Variants in RAPH1 observed in about 807,000 individuals in gnomAD.
The protein encoded by RAPH1 is ras-associated and pleckstrin homology domains-containing protein 1.
In RAPH1, 18 loss-of-function variants were observed where a neutral mutation model predicts 88.1. The observed-to-expected ratio is 0.20, with a 90% CI of 0.14 to 0.30. The LOEUF is 0.30. Ranked by LOEUF, RAPH1 falls within the 10% of genes least tolerant of loss-of-function variation. The pLI, the probability that RAPH1 is intolerant of heterozygous loss-of-function variation, is 1.00. For missense variants in RAPH1, 1,448 were observed against 1,543.2 expected, an observed-to-expected ratio of 0.94 and a Z score of 1.03; for synonymous variants, 587 against 559.0, an observed-to-expected ratio of 1.05 and a Z score of -0.71.
chr2:203,466,223 CTT>C (rs1031281551), intron 4 of RAPH1, among the ~76,000 whole-genome samples: 11 of 152,182 alleles, frequency 7.2e-5, no homozygotes, highest in African/African-American at 2.7e-4. Context: ...CATGATACCT[CTT>C]TTAGAGTCTG....
At chr2:203,454,681 G>A in intron 9 of RAPH1, 141 bp from the exon 10 acceptor site, 1 of 604,094 alleles carries the variant, frequency 1.7e-6, no homozygotes, top group African/African-American at 1.8e-5. Flanking sequence ...ACGAGACAAT[G>A]AGATGCTCCA....
chr2:203,454,371 C>T, intron 10 of RAPH1, 59 bp downstream of exon 10: 1 of 1,128,756 alleles, frequency 8.9e-7, no homozygotes, highest in East Asian at 2.5e-5. Flanking sequence ...CTAAAATATC[C>T]AATAACCTGC....
Position 203,439,909 on chromosome 2 carries a change from G to A in RAPH1, c.3281C>T (p.Ser1094Leu), listed in dbSNP as rs200252131. Residue 1094 changes from serine (S) to leucine (L), a missense_variant, in exon 14 of 14, where the codon TCG becomes TTG. Physicochemically the swap from Ser to Leu is moderately radical, Grantham distance 145. Around this residue, in one of 2 missense-constraint regions of RAPH1, gnomAD observed 935 missense variants for 890.1 expected, o/e 1.05. Transcript: ENST00000319170. Reference sequence around the variant, plus strand: ...TGCCACTTTTGGAGAGGTGTTTCCCGAGAAAACTGCTGGAATCTCAATGGG... The same window carrying A: ...TGCCACTTTTGGAGAGGTGTTTCCCAAGAAAACTGCTGGAATCTCAATGGG... ...LPPIEIPAVF[S>L]GNTSPKVAVV... is the part of the protein sequence containing the mutation. The A allele has an allele frequency of 7.2e-5, 116 of 1,613,976 alleles. No individual in the cohort carries two copies. The highest frequency in any genetic ancestry group is 6.7e-4 in the East Asian group (30 of 44,882).
chr2:203,509,290 G>A (rs1689229795), intron 1 of RAPH1, among the ~76,000 whole-genome samples: 2 of 151,642 alleles, frequency 1.3e-5, no homozygotes, highest in South Asian at 2.1e-4. Flanking sequence ...CAAACCCCTG[G>A]CCTCAAGGGA....
chr2:203,490,800 T>C (rs62182788), intron 3 of RAPH1, among the ~76,000 whole-genome samples: 71,455 of 151,880 alleles, frequency 0.47, 18,939 homozygotes, highest in Middle Eastern at 0.72. Flanking sequence ...CCCAGCACTT[T>C]GGGAGGCTGA....
At position 203,496,272 on chromosome 2, in the gene RAPH1, C is replaced by G. The variant is rs776401491; in HGVS notation, c.1-919G>C. ...ACCTGGGAGGCTGAGCCAGGAGAAT[C>G]ACTTGACCCTGGGAGACAGAGGTTG... is the stretch of plus-strand genomic sequence containing the variant. On this transcript the variant is annotated intron_variant, in intron 1 of 13. Coordinates refer to ENST00000319170, the MANE Select transcript of RAPH1 (RefSeq NM_213589.3). 6.6e-5 allele frequency among the ~76,000 whole-genome samples: 10 copies of G among 152,306 alleles called. No individual in the cohort carries two copies. The Middle Eastern group carries it at 0.01, about 155-fold the overall frequency.
intron 1 of RAPH1, among the ~76,000 whole-genome samples, chr2:203,514,373 GTTTTTA>G (rs1418868406): frequency 4.0e-5 from 6 of 151,736 alleles, no homozygotes; most frequent in Non-Finnish European, 8.8e-5. Flanking sequence ...TTTTGTTTTT[GTTTTTA>G]CTCTCTGTGT....
rs75624410 is a variant in RAPH1 at position 203,497,174 on chromosome 2, T to C, written c.1-1821A>G. Reference sequence around the variant, plus strand: ...GTACTTTGTTCTTCCACTCTTCTGCTATGCAAGAGCACATCTCGTGCCTCC... The same window carrying C: ...GTACTTTGTTCTTCCACTCTTCTGCCATGCAAGAGCACATCTCGTGCCTCC... On this transcript the variant is annotated intron_variant, in intron 1 of 13. Coordinates refer to ENST00000319170, the MANE Select transcript of RAPH1 (RefSeq NM_213589.3). 1.6e-4 allele frequency among the ~76,000 whole-genome samples: 24 copies of C among 152,360 alleles called. No individual in the cohort carries two copies. In the East Asian group the frequency reaches 4.4e-3, roughly 28 times the overall value.
At chr2:203,458,651 G>C (rs2098521796) in intron 7 of RAPH1, among the ~76,000 whole-genome samples, 1 of 152,128 alleles carries the variant, frequency 6.6e-6, no homozygotes, top group South Asian at 2.1e-4. Flanking sequence ...GCATATTCAA[G>C]TTTTGTTTTT....
At chr2:203,469,527 A>G (rs1255321925) in intron 4 of RAPH1, among the ~76,000 whole-genome samples, 1 of 152,200 alleles carries the variant, frequency 6.6e-6, no homozygotes, top group Non-Finnish European at 1.5e-5. Flanking sequence ...ATAACTGTAT[A>G]TTTTTCAGAA....
At chr2:203,483,455 A>T (rs1687818474) in intron 4 of RAPH1, among the ~76,000 whole-genome samples, 9 of 152,262 alleles carry the variant, frequency 5.9e-5, no homozygotes, top group Admixed American at 5.9e-4. Context: ...TTGATGAACT[A>T]GACGGATGGA....
At chr2:203,495,110 G>C (rs1391698235) in intron 2 of RAPH1, 124 bp downstream of exon 2, 2 of 1,020,146 alleles carry the variant, frequency 2.0e-6, no homozygotes, top group Admixed American at 2.1e-5. Flanking sequence ...TCAATACTTC[G>C]AACATTTCTT....
At chr2:203,478,240 T>C (rs1225511268) in intron 4 of RAPH1, among the ~76,000 whole-genome samples, 1 of 152,040 alleles carries the variant, frequency 6.6e-6, no homozygotes, top group Non-Finnish European at 1.5e-5. Context: ...TTCACAGTGT[T>C]AGCTAGGATG....
intron 4 of RAPH1, among the ~76,000 whole-genome samples, chr2:203,487,280 G>A (rs1365613055): frequency 1.3e-5 from 2 of 152,062 alleles, no homozygotes; most frequent in Non-Finnish European, 2.9e-5. Context: ...ATAAAATATT[G>A]CTCATATCCT....
intron 4 of RAPH1, among the ~76,000 whole-genome samples, chr2:203,488,061 T>C (rs1688054307): frequency 6.6e-6 from 1 of 152,212 alleles, no homozygotes; most frequent in African/African-American, 2.4e-5. Context: ...AAAGGTTGAC[T>C]TAACTTTGCC....
At chr2:203,483,772 AT>A (rs1687835029) in intron 4 of RAPH1, among the ~76,000 whole-genome samples, 2 of 152,034 alleles carry the variant, frequency 1.3e-5, no homozygotes, top group Non-Finnish European at 2.9e-5. Context: ...AGAAAAGGTG[AT>A]TTCCTCCCTA....
chr2:203,479,556 C>T (rs1247746330), intron 4 of RAPH1, among the ~76,000 whole-genome samples: 2 of 149,086 alleles, frequency 1.3e-5, no homozygotes, highest in South Asian at 2.1e-4. Context: ...TTCAGTGAGC[C>T]GAGATGGCGC....
intron 13 of RAPH1, chr2:203,441,690 TTGAA>T (rs1466891737): frequency 1.5e-6 from 2 of 1,309,224 alleles, no homozygotes; most frequent in Non-Finnish European, 1.9e-6. Context: ...CAAAAGCTGT[TTGAA>T]TGGTGACAGG....
At chr2:203,531,363 C>A (rs1442561856) in intron 1 of RAPH1, among the ~76,000 whole-genome samples, 2 of 152,016 alleles carry the variant, frequency 1.3e-5, no homozygotes, top group African/African-American at 4.8e-5. Context: ...ATGTAACAAA[C>A]CTGCACGTTG....
Sources: allele counts gnomAD v4.1 joint callset (sites outside exome capture counted in the v4.1 genomes callset), GRCh38; gene constraint gnomAD v4.1.1; regional missense constraint gnomAD v4.1.1; transcripts MANE v1.5; gene names NCBI Gene and HGNC (gene_info 2026-07-23, HGNC 2026-07-21).